Variants in DPP10 observed in about 807,000 individuals in gnomAD.
DPP10 encodes the protein inactive dipeptidyl peptidase 10.
Under a neutral mutation model 120.9 loss-of-function variants are expected in DPP10, and 33 were observed. That is an observed-to-expected ratio of 0.27 (90% confidence interval 0.21 to 0.37). The LOEUF (loss-of-function observed/expected upper bound fraction) is 0.37, where lower values mean the gene tolerates loss of function less well. Ranked by LOEUF, DPP10 falls within the 10% of genes least tolerant of loss-of-function variation. The probability of loss-of-function intolerance (pLI) is 1.00; values close to 1 mark genes in which losing one functional copy is unlikely to be tolerated. For synonymous variants in DPP10, 337 were observed against 326.1 expected (o/e 1.03, Z -0.36); for missense variants, 816 against 942.8 (o/e 0.87, Z 1.76).
intron 3 of DPP10, among the ~76,000 whole-genome samples, chr2:115,414,238 A>G (rs1169545331): frequency 1.3e-5 from 2 of 152,212 alleles, no homozygotes; most frequent in African/African-American, 4.8e-5. Context: ...ATTATTATAG[A>G]GATGAATAAA....
intron 1 of DPP10, among the ~76,000 whole-genome samples, chr2:114,830,776 A>G (rs1432671597): frequency 6.6e-6 from 1 of 152,126 alleles, no homozygotes; most frequent in Non-Finnish European, 1.5e-5. Flanking sequence ...AATAACTTTT[A>G]CTGTATTAAA....
intron 1 of DPP10, among the ~76,000 whole-genome samples, chr2:114,481,077 T>C (rs1681001069): frequency 6.6e-6 from 1 of 151,800 alleles, no homozygotes; most frequent in East Asian, 1.9e-4. Flanking sequence ...ACAAATGGTT[T>C]TTAGATTTGA....
intron 1 of DPP10, among the ~76,000 whole-genome samples, chr2:114,770,974 A>G (rs1681197155): frequency 4.6e-5 from 7 of 152,214 alleles, no homozygotes. Context: ...AAAAGGTTTT[A>G]TTGTCAGATA....
chr2:114,995,638 T>G (rs1701031859), intron 1 of DPP10, among the ~76,000 whole-genome samples: 1 of 152,190 alleles, frequency 6.6e-6, no homozygotes. Context: ...AGTCTTCATG[T>G]AATTTTCTGC....
chr2:115,535,525 A>G (rs956525123), intron 5 of DPP10, among the ~76,000 whole-genome samples: 2 of 151,094 alleles, frequency 1.3e-5, no homozygotes, highest in African/African-American at 4.8e-5. Flanking sequence ...GCCTTGTAGT[A>G]TAGTTTGAAG....
chr2:115,553,196 G>A (rs749559539), intron 5 of DPP10, among the ~76,000 whole-genome samples: 8 of 151,970 alleles, frequency 5.3e-5, no homozygotes, highest in Non-Finnish European at 1.0e-4. Context: ...ACAGTCATTT[G>A]ACTTTCAAAG....
rs191376151 is a variant in DPP10 at position 115,656,869 on chromosome 2, C to G, written c.442-32818C>G. On this transcript the variant is annotated intron_variant, in intron 5 of 25. Transcript: ENST00000410059. ...GAAGTGCTTCTTTCTTACAGTTTAT[C>G]ATGACCATTTTTCTATTATGATGGT... Among the ~76,000 whole-genome samples the G allele has an allele frequency of 3.7e-3, 564 of 151,730 alleles. 2 individuals are homozygous for G. The highest frequency in any genetic ancestry group is 8.3e-3 in the South Asian group (40 of 4,822).
chr2:115,762,979 G>A (rs1680292992), intron 12 of DPP10, among the ~76,000 whole-genome samples: 2 of 152,128 alleles, frequency 1.3e-5, no homozygotes, highest in South Asian at 4.1e-4. Flanking sequence ...AATTGATCAT[G>A]GAGATATTCA....
At chr2:115,297,006 C>T (rs1184966359) in intron 1 of DPP10, among the ~76,000 whole-genome samples, 3 of 151,940 alleles carry the variant, frequency 2.0e-5, no homozygotes, top group African/African-American at 7.3e-5. Context: ...TTTTTTAATT[C>T]TTCAACTTTG....
At chr2:114,685,169 AG>A (rs909176140) in intron 1 of DPP10, among the ~76,000 whole-genome samples, 16 of 151,734 alleles carry the variant, frequency 1.1e-4, no homozygotes, top group African/African-American at 3.9e-4. Flanking sequence ...TTCTCTTCCT[AG>A]CTGTGAAATA....
intron 2 of DPP10, among the ~76,000 whole-genome samples, chr2:115,314,812 T>G (rs765868010): frequency 9.2e-5 from 14 of 152,108 alleles, no homozygotes; most frequent in Non-Finnish European, 1.5e-4. Context: ...AACAGAGAAT[T>G]AAGCAAGTGA....
At chr2:115,821,548 G>T (rs1687816962) in intron 21 of DPP10, among the ~76,000 whole-genome samples, 1 of 151,844 alleles carries the variant, frequency 6.6e-6, no homozygotes, top group African/African-American at 2.4e-5. Context: ...CTGTATTTTT[G>T]TTGAAGATTG....
At chr2:115,093,126 A>C (rs917718856) in intron 1 of DPP10, among the ~76,000 whole-genome samples, 1 of 152,168 alleles carries the variant, frequency 6.6e-6, no homozygotes, top group Admixed American at 6.5e-5. Context: ...AACCAAAATA[A>C]GCAAAGATCC....
chr2:114,919,852 T>G (rs570340077), intron 1 of DPP10, among the ~76,000 whole-genome samples: 1 of 152,166 alleles, frequency 6.6e-6, no homozygotes, highest in Non-Finnish European at 1.5e-5. Flanking sequence ...ACATTTTCAG[T>G]GCCTGGGATA....
intron 1 of DPP10, among the ~76,000 whole-genome samples, chr2:114,514,806 G>A (rs949028568): frequency 1.3e-5 from 2 of 150,548 alleles, no homozygotes. Flanking sequence ...CCACGTTGGA[G>A]GCAGGAATAA....
chr2:115,575,626 A>G (rs2081607984), intron 5 of DPP10, among the ~76,000 whole-genome samples: 1 of 152,174 alleles, frequency 6.6e-6, no homozygotes, highest in Admixed American at 6.5e-5. Flanking sequence ...TCACCCTTGC[A>G]ATTATCCATG....
intron 1 of DPP10, among the ~76,000 whole-genome samples, chr2:115,103,220 CTG>C (rs2048786119): frequency 7.3e-6 from 1 of 136,836 alleles, no homozygotes; most frequent in African/African-American, 2.7e-5. Flanking sequence ...CGGAGTCTCA[CTG>C]TGTCGCCCAG....
chr2:114,817,129 C>G (rs1015543817), intron 1 of DPP10, among the ~76,000 whole-genome samples: 2 of 152,176 alleles, frequency 1.3e-5, no homozygotes, highest in Admixed American at 6.6e-5. Flanking sequence ...ATTCCCCATG[C>G]AATCAATCAG....
chr2:114,661,945 T>C (rs565742606), intron 1 of DPP10, among the ~76,000 whole-genome samples: 2 of 150,990 alleles, frequency 1.3e-5, no homozygotes, highest in African/African-American at 4.9e-5. Flanking sequence ...TTTATGAACT[T>C]GGGCTCTCCG....
Sources: gnomAD v4.1 joint callset for allele counts (sites outside exome capture counted in the v4.1 genomes callset) on GRCh38, gnomAD v4.1.1 for gene constraint, MANE v1.5 for transcripts, NCBI Gene and HGNC (gene_info 2026-07-23, HGNC 2026-07-21) for gene names.